The following C4orf36 variants were observed in gnomAD, a reference collection of about 807,000 sequenced individuals.
C4orf36 encodes chromosome 4 open reading frame 36.
In C4orf36, 11 loss-of-function variants were observed where a neutral mutation model predicts 12.2. The ratio of observed to expected loss-of-function variants is 0.90; its 90% CI spans 0.57 to 1.49. C4orf36 has a LOEUF of 1.49. Among genes scored for constraint, C4orf36 ranks in the 40% most tolerant of loss-of-function variants. C4orf36 has a pLI of 0.00. For missense variants in C4orf36, 137 were observed against 133.9 expected (o/e 1.02, Z -0.11); for synonymous variants, 54 against 51.3 (o/e 1.05, Z -0.22).
intron 4 of C4orf36, among the ~76,000 whole-genome samples, chr4:86,884,231 T>C (rs1747113850): frequency 6.6e-6 from 1 of 151,944 alleles, no homozygotes. Flanking sequence ...CACAAGTATG[T>C]GTGTTCCATA....
upstream of C4orf36, among the ~76,000 whole-genome samples, chr4:86,896,849 C>A (rs1319190524): frequency 6.6e-6 from 1 of 152,160 alleles, no homozygotes; most frequent in Non-Finnish European, 1.5e-5. Context: ...CTCCCTAAAT[C>A]ATCTCCTCTG....
the C4orf36 span, among the ~76,000 whole-genome samples, chr4:86,913,064 TA>T: frequency 2.5e-3 from 350 of 142,248 alleles, no homozygotes; most frequent in Middle Eastern, 7.2e-3. Flanking sequence ...GAAGTCGCAA[TA>T]AAAAAAAAAA....
chr4:86,904,986 A>G, the C4orf36 span, among the ~76,000 whole-genome samples: 1 of 152,158 alleles, frequency 6.6e-6, no homozygotes, highest in Non-Finnish European at 1.5e-5. Context: ...CTGTAATCCC[A>G]ACATTTTGAG....
At chr4:86,896,486 A>G (rs1372739889), upstream of C4orf36, among the ~76,000 whole-genome samples, 1 of 152,184 alleles carries the variant, frequency 6.6e-6, no homozygotes, top group Non-Finnish European at 1.5e-5. Flanking sequence ...TAACGACAAA[A>G]CAACACATCT....
At chr4:86,915,699 A>G in the C4orf36 span, among the ~76,000 whole-genome samples, 3 of 152,226 alleles carry the variant, frequency 2.0e-5, no homozygotes, top group Admixed American at 6.5e-5. Context: ...AGGCAGGAGA[A>G]TCACTTGAAC....
chr4:86,933,119 A>G, the C4orf36 span: 3 of 152,236 alleles, frequency 2.0e-5, no homozygotes, highest in Non-Finnish European at 4.4e-5. Flanking sequence ...TGACCAGCAG[A>G]AGAGAGAGAA....
At chr4:86,907,866 G>A in the C4orf36 span, among the ~76,000 whole-genome samples, 1 of 151,888 alleles carries the variant, frequency 6.6e-6, no homozygotes, top group African/African-American at 2.4e-5. Flanking sequence ...CTGCTCAGGA[G>A]GCTGAGGCAG....
the C4orf36 span, among the ~76,000 whole-genome samples, chr4:86,920,861 G>T: frequency 6.6e-6 from 1 of 152,082 alleles, no homozygotes. Flanking sequence ...GCCGGGCATG[G>T]TGGCTCACGT....
At position 86,876,509 on chromosome 4, in the gene C4orf36, A is replaced by G. The variant is rs1158732959; in HGVS notation, c.*3-66T>C. ...ATCCAAATGAGGTAGAAAAAATGAA[A>G]AGATTAGAAATGTCGGATTGTGTGA... On this transcript the variant is annotated intron_variant, in intron 4 of 4. Coordinates refer to ENST00000295898, the MANE Select transcript of C4orf36 (RefSeq NM_144645.4). 28 of 1,613,766 alleles carry G rather than the reference A, an allele frequency of 1.7e-5. No individual in the cohort carries two copies. In the Admixed American group the frequency reaches 4.7e-4, roughly 27 times the overall value.
chr4:86,901,803 C>T, the C4orf36 span, among the ~76,000 whole-genome samples: 61 of 152,234 alleles, frequency 4.0e-4, no homozygotes, highest in African/African-American at 1.4e-3. Flanking sequence ...TTAAGCCTGC[C>T]CAGCATACTC....
At chr4:86,902,182 A>C in the C4orf36 span, among the ~76,000 whole-genome samples, 1 of 152,174 alleles carries the variant, frequency 6.6e-6, no homozygotes, top group South Asian at 2.1e-4. Flanking sequence ...GCACTTTGGG[A>C]GGCCAAAGCG....
At chr4:86,922,965 T>TA in the C4orf36 span, among the ~76,000 whole-genome samples, 1 of 150,850 alleles carries the variant, frequency 6.6e-6, no homozygotes, top group Non-Finnish European at 1.5e-5. Context: ...TTTTTTTTTT[T>TA]AAGAGATAGG....
chr4:86,905,645 C>CA, the C4orf36 span, among the ~76,000 whole-genome samples: 1 of 151,138 alleles, frequency 6.6e-6, no homozygotes, highest in South Asian at 2.1e-4. Context: ...AGGTTGGCCC[C>CA]AGAAAAACCA....
In C4orf36 at chr4:86,876,446, G is replaced by A; in HGVS notation, c.*3-3C>T. The A allele has an allele frequency of 6.2e-7, 1 of 1,613,486 alleles. No homozygotes were observed. On this transcript the variant is annotated splice_polypyrimidine_tract_variant and splice_region_variant and intron_variant, in intron 4 of 4. Coordinates refer to ENST00000295898, the MANE Select transcript of C4orf36 (RefSeq NM_144645.4). ...TCATCTACAATCCGCGCTTCAGGCT[G>A]CGCAAAGGAGAGGGGGAAAATAAGA...
the C4orf36 span, among the ~76,000 whole-genome samples, chr4:86,899,041 C>T: frequency 4.6e-5 from 7 of 152,166 alleles, no homozygotes; most frequent in East Asian, 1.9e-4. Flanking sequence ...CAGTGAGCCA[C>T]GATTGTGCCA....
intron 2 of C4orf36, among the ~76,000 whole-genome samples, chr4:86,889,005 TAA>T (rs1409346570): frequency 2.0e-5 from 3 of 152,162 alleles, no homozygotes; most frequent in African/African-American, 2.4e-5. Context: ...TAAAAATGTA[TAA>T]GAGTGTTCAT....
At chr4:86,917,623 GAAGAGA>G in the C4orf36 span, among the ~76,000 whole-genome samples, 1 of 149,766 alleles carries the variant, frequency 6.7e-6, no homozygotes, top group Non-Finnish European at 1.5e-5. Flanking sequence ...AGGGAGGGAA[GAAGAGA>G]AAGAGAAAGG....
chr4:86,922,839 G>A, the C4orf36 span, among the ~76,000 whole-genome samples: 1 of 152,082 alleles, frequency 6.6e-6, no homozygotes, highest in Non-Finnish European at 1.5e-5. Flanking sequence ...AAGGGGGTCT[G>A]AATTTTAGCC....
the C4orf36 span, chr4:86,936,195 G>A: frequency 6.6e-6 from 1 of 152,232 alleles, no homozygotes; most frequent in African/African-American, 2.4e-5. Context: ...GAAAGGCCTT[G>A]CAGCCAAGTG....
Sources: allele counts gnomAD v4.1 joint callset (sites outside exome capture counted in the v4.1 genomes callset), GRCh38; gene constraint gnomAD v4.1.1; transcripts MANE v1.5; gene names NCBI Gene and HGNC (gene_info 2026-07-23, HGNC 2026-07-21).